CCND1: variants seen among roughly 807,000 people sequenced by gnomAD.
CCND1 encodes cyclin D1.
Under a neutral mutation model 26.1 loss-of-function variants are expected in CCND1, and 9 were observed. The observed-to-expected ratio is 0.35, with a 90% confidence interval of 0.21 to 0.60. CCND1 has a LOEUF of 0.60. CCND1 is among the 20% of genes least tolerant of loss of function. The pLI is 0.79. For missense variants in CCND1, 335 were observed against 392.9 expected, an observed-to-expected ratio of 0.85 and a Z score of 1.25; for synonymous variants, 194 against 166.1, an observed-to-expected ratio of 1.17 and a Z score of -1.29.
At chr11:69,642,800 GC>G (rs1279050103) in intron 1 of CCND1, among the ~76,000 whole-genome samples, 1 of 149,586 alleles carries the variant, frequency 6.7e-6, no homozygotes, top group East Asian at 2.1e-4. Flanking sequence ...GCCCGCTCCC[GC>G]CCCCACCGTG....
At chr11:69,645,766 C>T (rs1345672697) in intron 3 of CCND1, among the ~76,000 whole-genome samples, 1 of 152,096 alleles carries the variant, frequency 6.6e-6, no homozygotes, top group African/African-American at 2.4e-5. Flanking sequence ...TTTTGCCCTC[C>T]ACGTGGCAAA....
In CCND1 at chr11:69,652,931, G is replaced by T; in HGVS notation, c.*1649G>T. The T allele has an allele frequency of 3.4e-6, 1 of 290,282 alleles. No homozygotes were observed. Among genetic ancestry groups the T allele is most frequent in the Non-Finnish European group, 6.4e-6 (1 of 156,586 alleles). The allele number at this position is 290,282 out of a possible 1,614,324, so 18.0% of individuals were successfully genotyped here. ...AAGACATTGATTCAGCCTGTTTGGC[G>T]TTTCCCAGAGTCATCTGATTGGACA... On this transcript the variant is annotated 3_prime_UTR_variant, in exon 5 of 5. Transcript: ENST00000227507.
At chr11:69,646,963 C>T (rs647451) in intron 3 of CCND1, among the ~76,000 whole-genome samples, 64,048 of 152,028 alleles carry the variant, frequency 0.42, 14,757 homozygotes, top group East Asian at 0.82. Flanking sequence ...GCTGATGGGC[C>T]GCCCTAGATT....
chr11:69,648,214 C>T (rs2120111002), intron 4 of CCND1, 72 bp downstream of exon 4: 2 of 1,574,768 alleles, frequency 1.3e-6, no homozygotes, highest in African/African-American at 1.3e-5. Context: ...CACGGAAATG[C>T]CGAGGCTGGT....
At chr11:69,647,434 C>T (rs3212877) in intron 3 of CCND1, among the ~76,000 whole-genome samples, 3,895 of 151,642 alleles carry the variant, frequency 0.026, 88 homozygotes, top group Middle Eastern at 0.045. Context: ...GGGCTTACCC[C>T]TCAAGGGACA....
intron 1 of CCND1, 146 bp downstream of exon 1, chr11:69,641,657 T>TA (rs1019622903): frequency 1.3e-6 from 1 of 786,516 alleles, no homozygotes; most frequent in Non-Finnish European, 2.0e-6. Flanking sequence ...ATTTTCAAAA[T>TA]AAAAATTGCG....
rs963873791 is a variant in CCND1 at position 69,641,192 on chromosome 11, T to A, written c.-122T>A. The A allele has an allele frequency of 2.0e-4, 195 of 968,534 alleles. No homozygotes were observed. Among genetic ancestry groups the A allele is most frequent in the Non-Finnish European group, 2.9e-4 (179 of 623,894 alleles). 60.0% of individuals were successfully genotyped at this position (968,534 alleles called of 1,614,324 possible). On this transcript the variant is annotated 5_prime_UTR_variant, in exon 1 of 5. Coordinates refer to ENST00000227507, the MANE Select transcript of CCND1 (RefSeq NM_053056.3). Reference sequence around the variant, plus strand: ...GGCGCAGTAGCAGCGAGCAGCAGAGTCCGCACGCTCCGGCGAGGGGCAGAA... The same window carrying A: ...GGCGCAGTAGCAGCGAGCAGCAGAGACCGCACGCTCCGGCGAGGGGCAGAA...
chr11:69,646,240 C>T (rs936053508), intron 3 of CCND1, among the ~76,000 whole-genome samples: 5 of 152,200 alleles, frequency 3.3e-5, no homozygotes, highest in Non-Finnish European at 5.9e-5. Context: ...TCATGGCTCC[C>T]GGCTCTCAGA....
chr11:69,644,009 GC>G lies in CCND1; in HGVS notation c.574+23del. On this transcript the variant is annotated intron_variant, in intron 3 of 4. Transcript: ENST00000227507. ...TGCCACAGGTAGGGCAGGCCCGGCA[GC>G]CCCCGGCCTCCCCTTGAGAGCCGGC... is the stretch of plus-strand genomic sequence containing the variant. 2.5e-6 allele frequency: 4 copies of G among 1,612,764 alleles called. No homozygotes were observed. Among genetic ancestry groups the G allele is most frequent in the Non-Finnish European group, 2.5e-6 (3 of 1,179,778 alleles).
chr11:69,643,415 AGCCGCCCTCGTCCC>A (rs1434374837), intron 2 of CCND1, 169 bp downstream of exon 2: 4 of 532,774 alleles, frequency 7.5e-6, no homozygotes, highest in Non-Finnish European at 1.3e-5. Context: ...GCGGGATCCT[AGCCGCCCTCGTCCC>A]GCCGCCCTGT....
intron 1 of CCND1, 36 bp from the exon 2 acceptor site, chr11:69,642,995 C>G: frequency 6.8e-7 from 1 of 1,473,998 alleles, no homozygotes. Context: ...GCGGCGCGAC[C>G]TGGCGGCGGC....
In CCND1 at chr11:69,641,160, G is replaced by C; in HGVS notation, c.-154G>C. The stretch of plus-strand genomic sequence containing the variant: ...TTGCAAAGTCCTGGAGCCTCCAGAG[G>C]GCTGTCGGCGCAGTAGCAGCGAGCA... On this transcript the variant is annotated 5_prime_UTR_variant, in exon 1 of 5. Coordinates refer to ENST00000227507, the MANE Select transcript of CCND1 (RefSeq NM_053056.3). The C allele has an allele frequency of 1.4e-6, 1 of 714,004 alleles. No homozygotes were observed. The highest frequency in any genetic ancestry group is 2.4e-6 in the Non-Finnish European group (1 of 413,772). 44.2% of individuals were successfully genotyped at this position (714,004 alleles called of 1,614,324 possible).
chr11:69,642,736 G>A (rs1443169781), intron 1 of CCND1, among the ~76,000 whole-genome samples: 1 of 151,910 alleles, frequency 6.6e-6, no homozygotes. Flanking sequence ...CTCCAGGGCG[G>A]GCCAGGGTCC....
intron 1 of CCND1, among the ~76,000 whole-genome samples, chr11:69,642,440 C>G (rs773392956): frequency 6.6e-6 from 1 of 152,196 alleles, no homozygotes; most frequent in Non-Finnish European, 1.5e-5. Flanking sequence ...GAAGGGGGGG[C>G]CCCGGAGTTT....
chr11:69,641,188 A>T lies in CCND1; in HGVS notation c.-126A>T. ...TGTCGGCGCAGTAGCAGCGAGCAGC[A>T]GAGTCCGCACGCTCCGGCGAGGGGC... is the stretch of plus-strand genomic sequence containing the variant. On this transcript the variant is annotated 5_prime_UTR_variant, in exon 1 of 5. Transcript: ENST00000227507. 1 of 931,880 alleles carries T rather than the reference A, an allele frequency of 1.1e-6. No individual in the cohort carries two copies. The highest frequency in any genetic ancestry group is 1.7e-6 in the Non-Finnish European group (1 of 591,692). The allele number at this position is 931,880 out of a possible 1,614,324, so 57.7% of individuals were successfully genotyped here.
Position 69,651,470 on chromosome 11 carries a change from G to C in CCND1, c.*188G>C. 2.1e-6 allele frequency: 1 copy of C among 467,770 alleles called. No homozygotes were observed. The highest frequency in any genetic ancestry group is 3.6e-6 in the Non-Finnish European group (1 of 278,058). 29.0% of individuals were successfully genotyped at this position (467,770 alleles called of 1,614,324 possible). ...ATCTCTGACTTAAGCAAAAGAAAAA[G>C]ATTACCCAAAAACTGTCTTTAAAAG... On this transcript the variant is annotated 3_prime_UTR_variant, in exon 5 of 5. Transcript: ENST00000227507.
At chr11:69,649,100 T>C (rs1235515923) in intron 4 of CCND1, among the ~76,000 whole-genome samples, 1 of 152,172 alleles carries the variant, frequency 6.6e-6, no homozygotes, top group Admixed American at 6.5e-5. Context: ...CCCCGTGTTA[T>C]CCTTTGGGGG....
chr11:69,651,300 G>A lies in CCND1; in HGVS notation c.*18G>A, dbSNP rs749904542. On this transcript the variant is annotated 3_prime_UTR_variant, in exon 5 of 5. Coordinates refer to ENST00000227507, the MANE Select transcript of CCND1 (RefSeq NM_053056.3). ...ACATCTGAGGGCGCCAGGCAGGCGGGCGCCACCGCCACCCGCAGCGAGGGC... is the reference window on the plus strand; with the variant it reads ...ACATCTGAGGGCGCCAGGCAGGCGGACGCCACCGCCACCCGCAGCGAGGGC... 14 of 1,455,090 alleles carry A rather than the reference G, an allele frequency of 9.6e-6. No homozygotes were observed. The highest frequency in any genetic ancestry group is 1.2e-5 in the Non-Finnish European group (13 of 1,099,758). 90.1% of individuals were successfully genotyped at this position (1,455,090 alleles called of 1,614,324 possible).
rs927763170 is a variant in CCND1 at position 69,651,417 on chromosome 11, G to C, written c.*135G>C. On this transcript the variant is annotated 3_prime_UTR_variant, in exon 5 of 5. Coordinates refer to ENST00000227507, the MANE Select transcript of CCND1 (RefSeq NM_053056.3). ...AGCTTCATTCTCCTTGTTGTTGGTT[G>C]TTTTTTCCTTTGCTCTTTCCCCCTT... The C allele has an allele frequency of 1.8e-5, 14 of 760,192 alleles. No homozygotes were observed. The African/African-American group carries it at 2.4e-4, about 13-fold the overall frequency. 47.1% of individuals were successfully genotyped at this position (760,192 alleles called of 1,614,324 possible).
Sources: gnomAD v4.1 joint callset for allele counts (sites outside exome capture counted in the v4.1 genomes callset) on GRCh38, gnomAD v4.1.1 for gene constraint, MANE v1.5 for transcripts, NCBI Gene and HGNC (gene_info 2026-07-23, HGNC 2026-07-21) for gene names.